CD247: variants seen among roughly 807,000 people sequenced by gnomAD.
The protein encoded by CD247 is CD247 molecule.
A neutral mutation model predicts 30.0 loss-of-function variants in CD247; 13 were observed. The ratio of observed to expected loss-of-function variants is 0.43; its 90% CI spans 0.28 to 0.69. The LOEUF (loss-of-function observed/expected upper bound fraction) is 0.69, where lower values mean the gene tolerates loss of function less well. Among genes scored for constraint, CD247 ranks in the 30% least tolerant of loss-of-function variants. CD247 has a pLI of 0.16. For missense variants in CD247, 193 were observed against 212.6 expected, an observed-to-expected ratio of 0.91 and a Z score of 0.57; for synonymous variants, 72 against 80.0, an observed-to-expected ratio of 0.90 and a Z score of 0.53.
At chr1:167,498,099 C>G (rs1172576502) in intron 1 of CD247, among the ~76,000 whole-genome samples, 1 of 152,172 alleles carries the variant, frequency 6.6e-6, no homozygotes, top group African/African-American at 2.4e-5. Context: ...TCTGCCAGTC[C>G]TGTTCTGTTG....
At chr1:167,473,934 A>G (rs971232267) in intron 1 of CD247, among the ~76,000 whole-genome samples, 2 of 152,114 alleles carry the variant, frequency 1.3e-5, no homozygotes, top group African/African-American at 4.8e-5. Context: ...CACCTTGCAT[A>G]TCTGATGGCT....
chr1:167,491,304 C>G (rs1221249555), intron 1 of CD247, among the ~76,000 whole-genome samples: 1 of 152,228 alleles, frequency 6.6e-6, no homozygotes, highest in Non-Finnish European at 1.5e-5. Context: ...CGCAGTGGCT[C>G]ATGCCTGTAA....
intron 1 of CD247, among the ~76,000 whole-genome samples, chr1:167,455,554 C>A (rs1336688607): frequency 2.0e-5 from 3 of 152,122 alleles, no homozygotes; most frequent in African/African-American, 7.2e-5. Flanking sequence ...GAGCAGCAGC[C>A]CCGCCCCGCC....
At position 167,494,439 on chromosome 1, in the gene CD247, G is replaced by A. The variant is rs1357304959; in HGVS notation, c.58+23969C>T. ...GGCTCCACTACACTAGTGTGAGGAGGACCTCGGGAGAAATCGCATAGCTCC... is the reference window on the plus strand; with the variant it reads ...GGCTCCACTACACTAGTGTGAGGAGAACCTCGGGAGAAATCGCATAGCTCC... On this transcript the variant is annotated intron_variant, in intron 1 of 7. Coordinates refer to ENST00000362089, the MANE Select transcript of CD247 (RefSeq NM_198053.3). This position sits in a 1 kb window ranked among gnomAD's most constrained non-coding sequence, Gnocchi z 7.3. Among the ~76,000 whole-genome samples, 1 of 152,194 alleles carries A rather than the reference G, an allele frequency of 6.6e-6. No individual in the cohort carries two copies. Among genetic ancestry groups the A allele is most frequent in the Non-Finnish European group, 1.5e-5 (1 of 68,032 alleles).
intron 1 of CD247, among the ~76,000 whole-genome samples, chr1:167,509,313 G>A (rs1655278699): frequency 3.4e-5 from 5 of 146,774 alleles, no homozygotes; most frequent in Admixed American, 6.9e-5. Context: ...GTGGTGAGCC[G>A]AGATCGCGCC....
intron 1 of CD247, among the ~76,000 whole-genome samples, chr1:167,444,930 CT>C (rs748938948): frequency 4.5e-3 from 653 of 143,796 alleles, no homozygotes; most frequent in Non-Finnish European, 4.6e-3. Context: ...AAATACGATA[CT>C]TTTTTTTTTT....
At chr1:167,487,396 G>A (rs542128724) in intron 1 of CD247, among the ~76,000 whole-genome samples, 4 of 152,194 alleles carry the variant, frequency 2.6e-5, no homozygotes, top group South Asian at 2.1e-4. Flanking sequence ...AAGAAAAAAC[G>A]AAGAAAGAAA....
chr1:167,509,369 C>CAAAAAAAAA (rs35004744), intron 1 of CD247, among the ~76,000 whole-genome samples: 13 of 63,806 alleles, frequency 2.0e-4, no homozygotes, highest in South Asian at 5.5e-4. Flanking sequence ...AACTCTGTCT[C>CAAAAAAAAA]AAAAAAAAAA....
At chr1:167,517,785 A>AG (rs1655676771) in intron 1 of CD247, among the ~76,000 whole-genome samples, 1 of 152,164 alleles carries the variant, frequency 6.6e-6, no homozygotes, top group African/African-American at 2.4e-5. Flanking sequence ...GACAAGGCTG[A>AG]GCCTAGACAC....
intron 1 of CD247, among the ~76,000 whole-genome samples, chr1:167,513,067 G>C (rs1655461093): frequency 6.6e-6 from 1 of 152,186 alleles, no homozygotes; most frequent in South Asian, 2.1e-4. Context: ...AGATTTTCTT[G>C]TAGGATTAGC....
At chr1:167,515,636 A>G (rs1188438430) in intron 1 of CD247, among the ~76,000 whole-genome samples, 1 of 152,258 alleles carries the variant, frequency 6.6e-6, no homozygotes, top group Non-Finnish European at 1.5e-5. Flanking sequence ...ATGACCAGCC[A>G]GAGCTTTGCT....
At chr1:167,469,841 C>T (rs1653426400) in intron 1 of CD247, among the ~76,000 whole-genome samples, 2 of 152,214 alleles carry the variant, frequency 1.3e-5, no homozygotes, top group Non-Finnish European at 2.9e-5. Context: ...AAGACTCAGG[C>T]CTTGGACCTC....
chr1:167,432,915 C>G, intron 7 of CD247, 109 bp downstream of exon 7: 1 of 1,234,864 alleles, frequency 8.1e-7, no homozygotes, highest in African/African-American at 1.5e-5. Flanking sequence ...CTTGCCCTGC[C>G]CAGCTGTTGG....
At chr1:167,509,222 C>T (rs113036130) in intron 1 of CD247, among the ~76,000 whole-genome samples, 3,403 of 151,808 alleles carry the variant, frequency 0.022, 67 homozygotes, top group Non-Finnish European at 0.035. Context: ...CAAAATTAGC[C>T]GGGTGTGTTG....
chr1:167,490,875 T>C (rs988126995), intron 1 of CD247, among the ~76,000 whole-genome samples: 2 of 151,968 alleles, frequency 1.3e-5, no homozygotes, highest in East Asian at 1.9e-4. Context: ...GAGGCCGAGA[T>C]TGCAGTGAGC....
chr1:167,504,297 A>G (rs1571595701), intron 1 of CD247, among the ~76,000 whole-genome samples: 1 of 152,188 alleles, frequency 6.6e-6, no homozygotes, highest in African/African-American at 2.4e-5. Context: ...CCCCTCTATC[A>G]CTTTACCAGC....
At chr1:167,484,711 A>G (rs1377249911) in intron 1 of CD247, among the ~76,000 whole-genome samples, 1 of 152,232 alleles carries the variant, frequency 6.6e-6, no homozygotes, top group Non-Finnish European at 1.5e-5. Flanking sequence ...CGGGAGGCAG[A>G]GGTTGCAGTG....
intron 1 of CD247, among the ~76,000 whole-genome samples, chr1:167,513,862 T>C (rs2102124033): frequency 6.6e-6 from 1 of 152,362 alleles, no homozygotes; most frequent in East Asian, 1.9e-4. Flanking sequence ...ACTTTAATAA[T>C]GGCAGGGTTT....
In CD247 at chr1:167,434,609, G is replaced by A. The variant is rs1182670551; in HGVS notation, c.337-533C>T. The A allele has an allele frequency of 8.2e-6, 3 of 366,612 alleles. No homozygotes were observed. The East Asian group carries it at 2.2e-4, about 27-fold the overall frequency. The allele number at this position is 366,612 out of a possible 1,614,324, so 22.7% of individuals were successfully genotyped here. A position where few individuals can be genotyped will look rare whatever the true frequency, so the allele number is the denominator to read the frequency against. On this transcript the variant is annotated intron_variant, in intron 5 of 7. Transcript: ENST00000362089. Reference sequence around the variant, plus strand: ...GGGTGAGGTTGACCTTCCTATAGGGGGGTACACTCAGAAGACTTCAGCACC... The same window carrying A: ...GGGTGAGGTTGACCTTCCTATAGGGAGGTACACTCAGAAGACTTCAGCACC...
Sources: gnomAD v4.1 joint callset for allele counts (sites outside exome capture counted in the v4.1 genomes callset) on GRCh38, gnomAD v4.1.1 for gene constraint, Gnocchi (gnomAD v3.1) non-coding constraint, MANE v1.5 for transcripts, NCBI Gene and HGNC (gene_info 2026-07-23, HGNC 2026-07-21) for gene names.